The following MYO5B variants were observed in gnomAD, a reference collection of about 807,000 sequenced individuals.
MYO5B encodes myosin VB.
MYO5B carries 143 observed loss-of-function variants against 229.3 expected under a neutral mutation model. The ratio of observed to expected loss-of-function variants is 0.62; its 90% CI spans 0.54 to 0.72. The LOEUF (loss-of-function observed/expected upper bound fraction) is 0.72, where lower values mean the gene tolerates loss of function less well. MYO5B is among the 30% of genes least tolerant of loss of function. The pLI, the probability that MYO5B is intolerant of heterozygous loss-of-function variation, is 0.00. For missense variants in MYO5B, 2,321 were observed against 2,331.0 expected (o/e 1.00, Z 0.09); for synonymous variants, 918 against 885.2 (o/e 1.04, Z -0.66).
chr18:50,105,264 T>C (rs979020869), intron 1 of MYO5B, among the ~76,000 whole-genome samples: 1 of 147,214 alleles, frequency 6.8e-6, no homozygotes, highest in South Asian at 2.2e-4. Flanking sequence ...ATAGATAAAA[T>C]AGCTGCTGAT....
intron 3 of MYO5B, among the ~76,000 whole-genome samples, chr18:50,037,216 AACACACACACAC>A (rs141553304): frequency 6.8e-6 from 1 of 146,530 alleles, no homozygotes; most frequent in Admixed American, 6.9e-5. Context: ...CACACACACA[AACACACACACAC>A]ACACACACTC....
intron 13 of MYO5B, among the ~76,000 whole-genome samples, chr18:49,953,879 T>A (rs2025455345): frequency 7.0e-6 from 1 of 143,496 alleles, no homozygotes; most frequent in Admixed American, 7.2e-5. Context: ...TGCTTTAGAA[T>A]TTATATATAC....
chr18:50,158,881 A>G (rs2032722341), intron 1 of MYO5B, among the ~76,000 whole-genome samples: 1 of 152,210 alleles, frequency 6.6e-6, no homozygotes, highest in Admixed American at 6.5e-5. Context: ...GATAATGTGT[A>G]TGGATTACCA....
At chr18:49,937,031 G>A (rs987036021) in intron 15 of MYO5B, among the ~76,000 whole-genome samples, 6 of 152,176 alleles carry the variant, frequency 3.9e-5, no homozygotes, top group South Asian at 2.1e-4. Context: ...TGGAGGCTAC[G>A]GTCGGCCCCT....
At position 50,034,174 on chromosome 18, in the gene MYO5B, G is replaced by A. The variant is rs577547030; in HGVS notation, c.455+2676C>T. On this transcript the variant is annotated intron_variant, in intron 4 of 39. Transcript: ENST00000285039. ...CAGGTTCAAATTCAAAGTACACTGT[G>A]CTAGCCTATGGCTACTTGAACCACA... Among the ~76,000 whole-genome samples, 7 of 152,334 alleles carry A rather than the reference G, an allele frequency of 4.6e-5. No homozygotes were observed. In the South Asian group the frequency reaches 1.5e-3, roughly 32 times the overall value.
At chr18:49,921,685 G>T (rs2025077374) in intron 17 of MYO5B, among the ~76,000 whole-genome samples, 1 of 152,122 alleles carries the variant, frequency 6.6e-6, no homozygotes, top group Non-Finnish European at 1.5e-5. Context: ...TCTCTGGCTT[G>T]GTGGATTTTA....
intron 21 of MYO5B, among the ~76,000 whole-genome samples, chr18:49,895,411 G>A (rs887439162): frequency 6.6e-6 from 1 of 151,582 alleles, no homozygotes; most frequent in Non-Finnish European, 1.5e-5. Context: ...AGAGCTCAAG[G>A]AGCTTTCGTG....
chr18:49,976,975 C>G (rs1164124336), intron 9 of MYO5B, among the ~76,000 whole-genome samples: 2 of 152,164 alleles, frequency 1.3e-5, no homozygotes, highest in African/African-American at 4.8e-5. Context: ...GATGGATTCC[C>G]TGACATTTAA....
chr18:50,194,218 T>C (rs943811462), intron 1 of MYO5B, among the ~76,000 whole-genome samples: 1 of 152,140 alleles, frequency 6.6e-6, no homozygotes, highest in Admixed American at 6.5e-5. Flanking sequence ...GGTTGTCTCC[T>C]CCCTCTCCAC....
chr18:49,865,396 T>C (rs368115422), intron 27 of MYO5B, among the ~76,000 whole-genome samples: 16 of 152,216 alleles, frequency 1.1e-4, no homozygotes, highest in African/African-American at 3.9e-4. Flanking sequence ...TCTGCAGACA[T>C]GATGAGGGCC....
chr18:50,029,340 GGA>G (rs1757581697), intron 4 of MYO5B, among the ~76,000 whole-genome samples: 1 of 152,166 alleles, frequency 6.6e-6, no homozygotes, highest in Non-Finnish European at 1.5e-5. Flanking sequence ...ATCTGAATGT[GGA>G]ATGCTCAGGG....
chr18:49,849,515 G>A (rs374179521), intron 32 of MYO5B, 52 bp downstream of exon 32: 66 of 1,301,560 alleles, frequency 5.1e-5, no homozygotes, highest in Non-Finnish European at 6.4e-5. Context: ...ACCCACAGGC[G>A]TGGCCAAGTA....
chr18:50,066,649 C>T (rs1338347491), intron 1 of MYO5B, among the ~76,000 whole-genome samples: 1 of 152,188 alleles, frequency 6.6e-6, no homozygotes, highest in Non-Finnish European at 1.5e-5. Flanking sequence ...CCCGAATCAA[C>T]ACACACACTG....
In MYO5B at chr18:49,831,819, T is replaced by C. The variant is rs79453781; in HGVS notation, c.5394+3525A>G. Among the ~76,000 whole-genome samples the C allele has an allele frequency of 4.5e-3, 690 of 152,314 alleles. 5 individuals carry two copies. Among genetic ancestry groups the C allele is most frequent in the African/African-American group, 0.015 (611 of 41,568 alleles). The stretch of plus-strand genomic sequence containing the variant: ...TTGTGCAACAATGTTCATAGCGGCA[T>C]GATTCCCAATAGCCAAAAGGTAGAA... On this transcript the variant is annotated intron_variant, in intron 39 of 39. Transcript: ENST00000285039.
intron 22 of MYO5B, among the ~76,000 whole-genome samples, chr18:49,891,965 G>A (rs2144125786): frequency 6.8e-6 from 1 of 146,832 alleles, no homozygotes; most frequent in African/African-American, 2.6e-5. Flanking sequence ...CCTGGCTGTG[G>A]GTGGTTCCTC....
intron 21 of MYO5B, among the ~76,000 whole-genome samples, chr18:49,899,076 G>A (rs1000469016): frequency 2.0e-5 from 3 of 152,110 alleles, no homozygotes; most frequent in Admixed American, 6.5e-5. Flanking sequence ...GAATACAACT[G>A]AGACAGAACC....
chr18:49,912,012 C>A (rs997659248), intron 18 of MYO5B, 50 bp downstream of exon 18: 4 of 1,431,260 alleles, frequency 2.8e-6, no homozygotes, highest in Non-Finnish European at 3.9e-6. Flanking sequence ...CCCCCTCAAT[C>A]TTTAGGGGAC....
chr18:50,032,527 A>G (rs1476415643), intron 4 of MYO5B, among the ~76,000 whole-genome samples: 1 of 152,232 alleles, frequency 6.6e-6, no homozygotes, highest in Non-Finnish European at 1.5e-5. Context: ...TCAATGTGGT[A>G]GCATGTATCA....
chr18:49,904,970 C>G, intron 19 of MYO5B, 142 bp from the exon 20 acceptor site: 7 of 974,120 alleles, frequency 7.2e-6, no homozygotes, highest in Non-Finnish European at 1.1e-5. Context: ...ACTCTCTTCA[C>G]CCCTAACAAA....
Sources: allele counts gnomAD v4.1 joint callset (sites outside exome capture counted in the v4.1 genomes callset), GRCh38; gene constraint gnomAD v4.1.1; transcripts MANE v1.5; gene names NCBI Gene and HGNC (gene_info 2026-07-23, HGNC 2026-07-21).